The following PDGFD variants were observed in gnomAD, a reference collection of about 807,000 sequenced individuals.
PDGFD encodes platelet derived growth factor D, also known as platelet-derived growth factor D.
Under a neutral mutation model 44.7 loss-of-function variants are expected in PDGFD, and 30 were observed. That is an observed-to-expected ratio of 0.67 (90% CI 0.50 to 0.91). The LOEUF is 0.91. Among genes scored for constraint, PDGFD ranks in the 40% least tolerant of loss-of-function variants. PDGFD has a pLI of 0.00. For missense variants in PDGFD, 445 were observed against 457.8 expected (o/e 0.97, Z 0.25); for synonymous variants, 173 against 168.4 (o/e 1.03, Z -0.21).
intron 3 of PDGFD, among the ~76,000 whole-genome samples, chr11:103,991,166 TAGG>T (rs1401950200): frequency 3.9e-5 from 6 of 151,916 alleles, no homozygotes; most frequent in Non-Finnish European, 5.9e-5. Flanking sequence ...AAATTCAGCT[TAGG>T]AGGATGATGC....
chr11:104,037,798 A>C (rs1447126450), intron 1 of PDGFD: 2 of 1,614,158 alleles, frequency 1.2e-6, no homozygotes, highest in South Asian at 1.1e-5. Flanking sequence ...GGATCAACCC[A>C]TGGATATGCT....
chr11:103,984,110 A>G (rs1218707632), intron 3 of PDGFD, among the ~76,000 whole-genome samples: 1 of 151,748 alleles, frequency 6.6e-6, no homozygotes, highest in Non-Finnish European at 1.5e-5. Context: ...ATATGCATGC[A>G]TATGTTCATT....
chr11:103,933,984 T>C (rs1247527188), intron 5 of PDGFD, among the ~76,000 whole-genome samples: 1 of 152,100 alleles, frequency 6.6e-6, no homozygotes, highest in African/African-American at 2.4e-5. Flanking sequence ...AATGAAAAAT[T>C]TTTTAAAAAA....
At chr11:104,115,940 C>T (rs1412240404) in intron 1 of PDGFD, among the ~76,000 whole-genome samples, 1 of 151,814 alleles carries the variant, frequency 6.6e-6, no homozygotes, top group Non-Finnish European at 1.5e-5. Flanking sequence ...GGATATTAGT[C>T]CTATGTCAGA....
intron 1 of PDGFD, among the ~76,000 whole-genome samples, chr11:104,130,631 G>A (rs1861907059): frequency 6.6e-6 from 1 of 152,128 alleles, no homozygotes; most frequent in African/African-American, 2.4e-5. Flanking sequence ...AATAAACCAT[G>A]TGTGTTCACC....
intron 1 of PDGFD, among the ~76,000 whole-genome samples, chr11:104,004,998 C>A (rs144515158): frequency 6.6e-4 from 100 of 150,700 alleles, no homozygotes; most frequent in African/African-American, 2.4e-3. Context: ...CCTGCCTCAG[C>A]CTCCCGAGTA....
intron 1 of PDGFD, among the ~76,000 whole-genome samples, chr11:104,098,255 C>T (rs1435058115): frequency 6.6e-6 from 1 of 152,168 alleles, no homozygotes; most frequent in African/African-American, 2.4e-5. Flanking sequence ...GACACCACAG[C>T]TACCCTGGTT....
At chr11:104,043,995 A>G (rs1851970191) in intron 1 of PDGFD, among the ~76,000 whole-genome samples, 1 of 152,242 alleles carries the variant, frequency 6.6e-6, no homozygotes, top group African/African-American at 2.4e-5. Flanking sequence ...AGTTAATGAA[A>G]AGGATTTGGG....
chr11:104,144,435 G>A (rs1443382152), intron 1 of PDGFD, among the ~76,000 whole-genome samples: 9 of 146,880 alleles, frequency 6.1e-5, no homozygotes, highest in Non-Finnish European at 3.0e-5. Context: ...GAACCCAGGC[G>A]GCAGAAGTTG....
chr11:104,142,357 C>G (rs1862097689), intron 1 of PDGFD, among the ~76,000 whole-genome samples: 1 of 151,736 alleles, frequency 6.6e-6, no homozygotes, highest in Non-Finnish European at 1.5e-5. Flanking sequence ...CATATATACA[C>G]ACATATTTAT....
chr11:104,080,045 T>C (rs1320615595), intron 1 of PDGFD, among the ~76,000 whole-genome samples: 1 of 152,198 alleles, frequency 6.6e-6, no homozygotes, highest in Non-Finnish European at 1.5e-5. Flanking sequence ...CCCTATGAGT[T>C]ACTCTTAGTC....
In PDGFD at chr11:104,107,983, AAAAT is replaced by A. The variant is rs1366970452; in HGVS notation, c.124+55817_124+55820del. On this transcript the variant is annotated intron_variant, in intron 1 of 6. Coordinates refer to ENST00000393158, the MANE Select transcript of PDGFD (RefSeq NM_025208.5). ...ATACATAATGCTTTGCCTAGGCTGA[AAAAT>A]AAATAAATAAATAAGATAGAAATAT... Among the ~76,000 whole-genome samples the A allele has an allele frequency of 2.6e-5, 4 of 152,260 alleles. No individual in the cohort carries two copies. The East Asian group carries it at 7.7e-4, about 29-fold the overall frequency.
At chr11:104,032,532 T>C (rs140514979) in intron 1 of PDGFD, among the ~76,000 whole-genome samples, 4 of 152,304 alleles carry the variant, frequency 2.6e-5, no homozygotes, top group Admixed American at 1.3e-4. Context: ...GTGACATTTA[T>C]GTAGGTATTC....
At chr11:103,988,244 A>G (rs1263776537) in intron 3 of PDGFD, among the ~76,000 whole-genome samples, 1 of 152,076 alleles carries the variant, frequency 6.6e-6, no homozygotes, top group Non-Finnish European at 1.5e-5. Context: ...ATATGCATAT[A>G]AAGAGGCACA....
At chr11:104,160,894 C>A (rs531516764) in intron 1 of PDGFD, among the ~76,000 whole-genome samples, 13 of 152,276 alleles carry the variant, frequency 8.5e-5, no homozygotes, top group African/African-American at 3.1e-4. Flanking sequence ...ACAACCCTAA[C>A]ATTATGTATT....
chr11:104,138,070 CTA>C, intron 1 of PDGFD, among the ~76,000 whole-genome samples: 1 of 152,148 alleles, frequency 6.6e-6, no homozygotes, highest in Admixed American at 6.5e-5. Context: ...ATAACTTGAC[CTA>C]TGTTATGAAG....
At chr11:104,144,285 T>C (rs1005695126) in intron 1 of PDGFD, among the ~76,000 whole-genome samples, 3 of 151,186 alleles carry the variant, frequency 2.0e-5, no homozygotes, top group African/African-American at 7.3e-5. Context: ...AGTGGGTGGG[T>C]CACTTGAGGT....
chr11:103,976,343 G>A (rs773467101), intron 3 of PDGFD, among the ~76,000 whole-genome samples: 2 of 152,102 alleles, frequency 1.3e-5, no homozygotes, highest in African/African-American at 2.4e-5. Context: ...TATTATTGGT[G>A]TATAGGAATG....
At chr11:103,999,180 A>G (rs1859581990) in intron 2 of PDGFD, among the ~76,000 whole-genome samples, 1 of 152,158 alleles carries the variant, frequency 6.6e-6, no homozygotes, top group Non-Finnish European at 1.5e-5. Flanking sequence ...AGCATAATAA[A>G]CATGCAACAG....
Sources: allele counts gnomAD v4.1 joint callset (sites outside exome capture counted in the v4.1 genomes callset), GRCh38; gene constraint gnomAD v4.1.1; transcripts MANE v1.5; gene names NCBI Gene and HGNC (gene_info 2026-07-23, HGNC 2026-07-21).